Variants in CCDC178 observed in about 807,000 individuals in gnomAD.
CCDC178 encodes coiled-coil domain-containing protein 178.
In CCDC178, 126 loss-of-function variants were observed where a neutral mutation model predicts 117.4. The ratio of observed to expected loss-of-function variants is 1.07; its 90% CI spans 0.93 to 1.24. The LOEUF (loss-of-function observed/expected upper bound fraction) is 1.24, where lower values mean the gene tolerates loss of function less well. CCDC178 is among the 50% of genes most tolerant of loss of function. The pLI is 0.00. For missense variants in CCDC178, 1,030 were observed against 986.9 expected, an observed-to-expected ratio of 1.04 and a Z score of -0.59; for synonymous variants, 283 against 313.4, an observed-to-expected ratio of 0.90 and a Z score of 1.02.
intron 20 of CCDC178, among the ~76,000 whole-genome samples, chr18:33,118,804 C>T (rs1006912912): frequency 2.6e-5 from 4 of 152,138 alleles, no homozygotes; most frequent in Admixed American, 6.6e-5. Context: ...TACAAGGCTA[C>T]AGTAACCAAA....
At chr18:33,386,819 C>T (rs757586051) in intron 5 of CCDC178, among the ~76,000 whole-genome samples, 1 of 152,114 alleles carries the variant, frequency 6.6e-6, no homozygotes, top group Non-Finnish European at 1.5e-5. Flanking sequence ...GACAAGGATG[C>T]CCTCACTCAC....
At chr18:33,272,335 TAACAA>T (rs1441021759) in intron 12 of CCDC178, among the ~76,000 whole-genome samples, 2 of 151,516 alleles carry the variant, frequency 1.3e-5, no homozygotes, top group Non-Finnish European at 3.0e-5. Flanking sequence ...ATACACCACC[TAACAA>T]AACTTACTCA....
chr18:33,203,079 G>A (rs2059011272), intron 20 of CCDC178, among the ~76,000 whole-genome samples: 1 of 152,018 alleles, frequency 6.6e-6, no homozygotes, highest in Admixed American at 6.6e-5. Context: ...TTGTAACTCT[G>A]GATATTAGCA....
intron 21 of CCDC178, among the ~76,000 whole-genome samples, chr18:32,999,783 T>C (rs1425492602): frequency 1.3e-5 from 2 of 152,166 alleles, no homozygotes; most frequent in African/African-American, 4.8e-5. Flanking sequence ...TTTACTGGGC[T>C]TGGGGTGATC....
At chr18:32,952,358 C>G (rs1224610019) in intron 22 of CCDC178, among the ~76,000 whole-genome samples, 1 of 152,222 alleles carries the variant, frequency 6.6e-6, no homozygotes, top group Non-Finnish European at 1.5e-5. Context: ...GTTCCCAAAC[C>G]TCAATTCTTG....
At chr18:33,426,350 G>A (rs1368093737) in intron 2 of CCDC178, among the ~76,000 whole-genome samples, 1 of 152,190 alleles carries the variant, frequency 6.6e-6, no homozygotes, top group African/African-American at 2.4e-5. Flanking sequence ...AAACAAAGAT[G>A]AATAGATGAA....
rs1323959731 is a variant in CCDC178 at position 33,280,389 on chromosome 18, A to T, written c.1176+12770T>A. 1.3e-4 allele frequency among the ~76,000 whole-genome samples: 19 copies of T among 151,618 alleles called. No homozygotes were observed. The South Asian group carries it at 3.7e-3, about 30-fold the overall frequency. On this transcript the variant is annotated intron_variant, in intron 12 of 22. Coordinates refer to ENST00000383096, the MANE Select transcript of CCDC178 (RefSeq NM_001105528.4). ...ACTGGCCATCAGAGAAATGCAAATC[A>T]AAACCACTATGAGATACCATCTCAC...
intron 12 of CCDC178, among the ~76,000 whole-genome samples, chr18:33,269,859 A>G (rs1002124643): frequency 4.6e-5 from 7 of 151,938 alleles, no homozygotes; most frequent in Admixed American, 2.6e-4. Context: ...AAGAATTAAG[A>G]AAGTATAGAC....
chr18:33,288,223 C>T (rs1241934408), intron 12 of CCDC178, among the ~76,000 whole-genome samples: 1 of 148,520 alleles, frequency 6.7e-6, no homozygotes, highest in Admixed American at 6.7e-5. Flanking sequence ...CTCCTCCTCT[C>T]CTCCTCCTCC....
chr18:33,258,646 TCAAA>T (rs1196591562), intron 14 of CCDC178, among the ~76,000 whole-genome samples: 3 of 152,198 alleles, frequency 2.0e-5, no homozygotes, highest in African/African-American at 7.2e-5. Flanking sequence ...CGTGAGCACC[TCAAA>T]CAGTGTCAGA....
At chr18:33,032,479 C>T (rs1282663520) in intron 21 of CCDC178, among the ~76,000 whole-genome samples, 1 of 152,092 alleles carries the variant, frequency 6.6e-6, no homozygotes, top group African/African-American at 2.4e-5. Flanking sequence ...TTAGAGCTAT[C>T]TTACAATCTG....
chr18:33,195,230 T>A (rs1193060145), intron 20 of CCDC178, among the ~76,000 whole-genome samples: 2 of 152,090 alleles, frequency 1.3e-5, no homozygotes, highest in Non-Finnish European at 2.9e-5. Flanking sequence ...TAACTCCAGA[T>A]AATTCACACA....
At chr18:33,020,653 G>A (rs28372969) in intron 21 of CCDC178, among the ~76,000 whole-genome samples, 23,166 of 152,122 alleles carry the variant, frequency 0.15, 2,632 homozygotes, top group African/African-American at 0.32. Flanking sequence ...AAATCAGGGA[G>A]TGTTTAATCT....
At chr18:33,359,656 T>G (rs9947477) in intron 6 of CCDC178, among the ~76,000 whole-genome samples, 66,139 of 151,354 alleles carry the variant, frequency 0.44, 15,895 homozygotes, top group African/African-American at 0.65. Context: ...AACATTTGTG[T>G]TATGTAGATG....
chr18:33,151,130 T>C (rs1215126629), intron 20 of CCDC178, among the ~76,000 whole-genome samples: 1 of 152,124 alleles, frequency 6.6e-6, no homozygotes, highest in East Asian at 1.9e-4. Flanking sequence ...GACTATGTAT[T>C]GAGTACAGTG....
intron 20 of CCDC178, among the ~76,000 whole-genome samples, chr18:33,144,923 A>G (rs758948802): frequency 6.6e-6 from 1 of 152,156 alleles, no homozygotes; most frequent in Non-Finnish European, 1.5e-5. Context: ...TTCCTATGAA[A>G]TTTCTTTCGA....
chr18:33,062,821 C>T (rs1190248938), intron 21 of CCDC178, among the ~76,000 whole-genome samples: 3 of 152,136 alleles, frequency 2.0e-5, no homozygotes, highest in Non-Finnish European at 2.9e-5. Flanking sequence ...CTTATTTCCA[C>T]ATTCCACGAG....
At chr18:33,370,291 C>T (rs888554079) in intron 5 of CCDC178, 102 bp from the exon 6 acceptor site, 5 of 594,252 alleles carry the variant, frequency 8.4e-6, no homozygotes, top group Non-Finnish European at 8.1e-6. Context: ...TGCTAATACT[C>T]TTAGTTTCCT....
At chr18:33,058,026 T>C (rs889661037) in intron 21 of CCDC178, among the ~76,000 whole-genome samples, 1 of 151,998 alleles carries the variant, frequency 6.6e-6, no homozygotes, top group Non-Finnish European at 1.5e-5. Context: ...TGTGGAGAAA[T>C]TGAAACTCAC....
Sources: allele counts gnomAD v4.1 joint callset (sites outside exome capture counted in the v4.1 genomes callset), GRCh38; gene constraint gnomAD v4.1.1; transcripts MANE v1.5; gene names NCBI Gene and HGNC (gene_info 2026-07-23, HGNC 2026-07-21).